The following STK39 variants were observed in gnomAD, a reference collection of about 807,000 sequenced individuals.
STK39 encodes STE20/SPS1-related proline-alanine-rich protein kinase.
A neutral mutation model predicts 77.8 loss-of-function variants in STK39; 20 were observed. The observed-to-expected ratio is 0.26, with a 90% CI of 0.18 to 0.37. The LOEUF is 0.37. STK39 is among the 10% of genes least tolerant of loss of function. The probability of loss-of-function intolerance (pLI) is 1.00; values close to 1 mark genes in which losing one functional copy is unlikely to be tolerated. For missense variants in STK39, 479 were observed against 656.5 expected, an observed-to-expected ratio of 0.73 and a Z score of 2.95; for synonymous variants, 246 against 234.1, an observed-to-expected ratio of 1.05 and a Z score of -0.47.
At chr2:168,018,520 A>G (rs574366625) in intron 14 of STK39, among the ~76,000 whole-genome samples, 65 of 112,606 alleles carry the variant, frequency 5.8e-4, no homozygotes, top group African/African-American at 2.2e-3. Flanking sequence ...GAAAAGAAAG[A>G]AAAGAAAGAA....
chr2:167,955,388 G>C lies in STK39; in HGVS notation c.*108C>G, dbSNP rs2105508840. 2.8e-6 allele frequency: 3 copies of C among 1,057,848 alleles called. No homozygotes were observed. The highest frequency in any genetic ancestry group is 5.1e-5 in the East Asian group (2 of 39,538). 65.5% of individuals were successfully genotyped at this position (1,057,848 alleles called of 1,614,324 possible). The stretch of plus-strand genomic sequence containing the variant: ...CTTCACAATCTTCTGATTTTGCTAG[G>C]AAATGGGAGTGAGGGGGTGGGAGGA... On this transcript the variant is annotated 3_prime_UTR_variant, in exon 18 of 18. Transcript: ENST00000355999.
intron 1 of STK39, among the ~76,000 whole-genome samples, chr2:168,238,352 G>C (rs1690674470): frequency 6.6e-6 from 1 of 152,086 alleles, no homozygotes; most frequent in Non-Finnish European, 1.5e-5. Context: ...ACCCATAAAT[G>C]TCAATAAAAT....
At chr2:168,091,150 G>GCGCACA (rs140474916) in intron 10 of STK39, among the ~76,000 whole-genome samples, 3 of 147,542 alleles carry the variant, frequency 2.0e-5, no homozygotes, top group African/African-American at 7.5e-5. Context: ...ACAAACAGGT[G>GCGCACA]CACACACACA....
At chr2:168,007,473 T>C (rs1363354454) in intron 16 of STK39, among the ~76,000 whole-genome samples, 1 of 152,066 alleles carries the variant, frequency 6.6e-6, no homozygotes, top group African/African-American at 2.4e-5. Flanking sequence ...ATCCTGGCCT[T>C]AAAAAACTGA....
At chr2:168,049,353 T>C (rs1180237965) in intron 14 of STK39, among the ~76,000 whole-genome samples, 3 of 152,196 alleles carry the variant, frequency 2.0e-5, no homozygotes, top group Non-Finnish European at 4.4e-5. Context: ...ACCCAAAAGA[T>C]ATTTTTATTA....
intron 14 of STK39, among the ~76,000 whole-genome samples, chr2:168,030,538 G>T (rs1684810286): frequency 6.6e-6 from 1 of 152,140 alleles, no homozygotes; most frequent in South Asian, 2.1e-4. Context: ...AAAGGAAAAT[G>T]ATCACTCATC....
At chr2:168,154,874 C>CTA (rs1354636938) in intron 5 of STK39, among the ~76,000 whole-genome samples, 2 of 152,084 alleles carry the variant, frequency 1.3e-5, no homozygotes, top group African/African-American at 4.8e-5. Context: ...AAGGAGCAGG[C>CTA]TATACAAATG....
intron 12 of STK39, among the ~76,000 whole-genome samples, chr2:168,071,689 G>T (rs1205515654): frequency 6.6e-6 from 1 of 152,034 alleles, no homozygotes; most frequent in East Asian, 1.9e-4. Context: ...AGACCACGGT[G>T]AAACCCTGTC....
At chr2:168,058,742 C>T (rs552551663) in intron 14 of STK39, among the ~76,000 whole-genome samples, 1 of 152,378 alleles carries the variant, frequency 6.6e-6, no homozygotes, top group South Asian at 2.1e-4. Flanking sequence ...CTTACCACTT[C>T]CGTTAATCCT....
At chr2:168,037,291 G>A (rs534113541) in intron 14 of STK39, among the ~76,000 whole-genome samples, 4 of 152,278 alleles carry the variant, frequency 2.6e-5, no homozygotes, top group Non-Finnish European at 5.9e-5. Flanking sequence ...AAAATGATAA[G>A]AGGAAACCAA....
At chr2:168,030,068 G>A (rs1430881742) in intron 14 of STK39, among the ~76,000 whole-genome samples, 4 of 151,334 alleles carry the variant, frequency 2.6e-5, no homozygotes, top group Non-Finnish European at 2.9e-5. Flanking sequence ...GTGAAACCCC[G>A]TCTCTACTAA....
intron 14 of STK39, among the ~76,000 whole-genome samples, chr2:168,042,966 T>C (rs1386128498): frequency 3.3e-5 from 5 of 152,170 alleles, no homozygotes; most frequent in South Asian, 4.1e-4. Context: ...CAAAATACTA[T>C]GTAAATGTTA....
chr2:168,072,450 T>C (rs1228571525), intron 12 of STK39, among the ~76,000 whole-genome samples: 5 of 152,210 alleles, frequency 3.3e-5, no homozygotes, highest in African/African-American at 1.2e-4. Context: ...CCACACTCCC[T>C]GAAGCCCCCA....
intron 16 of STK39, among the ~76,000 whole-genome samples, chr2:167,991,041 CA>C (rs1184209348): frequency 2.0e-5 from 3 of 152,274 alleles, no homozygotes. Flanking sequence ...AGGGACAATC[CA>C]GATTACCCAG....
intron 1 of STK39, among the ~76,000 whole-genome samples, chr2:168,213,352 G>A (rs555752607): frequency 7.9e-5 from 12 of 152,204 alleles, no homozygotes; most frequent in African/African-American, 2.4e-4. Flanking sequence ...CATGTGTTAA[G>A]CACTTAGTAA....
chr2:168,146,182 A>C (rs932394298), intron 5 of STK39, among the ~76,000 whole-genome samples: 3 of 152,238 alleles, frequency 2.0e-5, no homozygotes, highest in Non-Finnish European at 2.9e-5. Context: ...GAGGAAAAAG[A>C]ACTGGGATTT....
rs565365042 is a variant in STK39, at chr2:168,026,490, T to C, written c.1377-9395A>G. Among the ~76,000 whole-genome samples the C allele has an allele frequency of 2.8e-3, 420 of 152,346 alleles. 2 individuals are homozygous for C. Among genetic ancestry groups the C allele is most frequent in the African/African-American group, 9.5e-3 (394 of 41,564 alleles). ...TAACACAGCTGGTTAATTCATGCCA[T>C]TCTCCATAAATCATTATTGATCACC... On this transcript the variant is annotated intron_variant, in intron 14 of 17. Coordinates refer to ENST00000355999, the MANE Select transcript of STK39 (RefSeq NM_013233.3).
chr2:168,163,996 A>G, intron 3 of STK39, 116 bp from the exon 4 acceptor site: 1 of 1,383,360 alleles, frequency 7.2e-7, no homozygotes, highest in Non-Finnish European at 9.6e-7. Flanking sequence ...TATTTAATGC[A>G]AATATTCCCA....
At chr2:168,240,427 T>A (rs892290924) in intron 1 of STK39, among the ~76,000 whole-genome samples, 3 of 152,188 alleles carry the variant, frequency 2.0e-5, no homozygotes, top group Non-Finnish European at 4.4e-5. Context: ...AGGAAATTAT[T>A]ACAATAATCC....
Sources: gnomAD v4.1 joint callset for allele counts (sites outside exome capture counted in the v4.1 genomes callset) on GRCh38, gnomAD v4.1.1 for gene constraint, MANE v1.5 for transcripts, NCBI Gene and HGNC (gene_info 2026-07-23, HGNC 2026-07-21) for gene names.